Variants in WDR72 observed in about 807,000 individuals in gnomAD.
The protein encoded by WDR72 is WD repeat-containing protein 72.
WDR72 carries 120 observed loss-of-function variants against 124.2 expected under a neutral mutation model. The observed-to-expected ratio is 0.97, with a 90% CI of 0.83 to 1.12. WDR72 has a LOEUF of 1.12. Among genes scored for constraint, WDR72 ranks in the 50% most tolerant of loss-of-function variants. WDR72 has a pLI of 0.00. For synonymous variants in WDR72, 452 were observed against 441.7 expected, an observed-to-expected ratio of 1.02 and a Z score of -0.29; for missense variants, 1,387 against 1,278.8, an observed-to-expected ratio of 1.08 and a Z score of -1.29.
intron 18 of WDR72, among the ~76,000 whole-genome samples, chr15:53,588,976 A>ACAATGACT (rs1460167194): frequency 2.0e-5 from 3 of 151,976 alleles, no homozygotes; most frequent in Non-Finnish European, 4.4e-5. Flanking sequence ...GAGTCAGAAC[A>ACAATGACT]CAATATGTGA....
At chr15:53,592,232 C>T (rs545428007) in intron 18 of WDR72, among the ~76,000 whole-genome samples, 15 of 152,150 alleles carry the variant, frequency 9.9e-5, no homozygotes, top group Non-Finnish European at 1.3e-4. Context: ...CTTGATCACA[C>T]GTACCACACA....
intron 14 of WDR72, among the ~76,000 whole-genome samples, chr15:53,620,992 C>T (rs1022365008): frequency 6.6e-6 from 1 of 151,910 alleles, no homozygotes; most frequent in East Asian, 1.9e-4. Context: ...GGGATAAGAA[C>T]ATGAATAGAA....
chr15:53,545,906 T>TC (rs1454651966), intron 18 of WDR72, among the ~76,000 whole-genome samples: 1 of 121,788 alleles, frequency 8.2e-6, no homozygotes, highest in African/African-American at 3.2e-5. Flanking sequence ...AAAAAACACA[T>TC]GAAAAAATGC....
chr15:53,659,663 C>T (rs2015544264), intron 14 of WDR72, among the ~76,000 whole-genome samples: 1 of 149,972 alleles, frequency 6.7e-6, no homozygotes, highest in Non-Finnish European at 1.5e-5. Flanking sequence ...AAACTCATGC[C>T]ACAAAATGAG....
rs148697916 is a variant in WDR72 at position 53,736,710 on chromosome 15, T to A, written c.-12-3549A>T. 2.0e-3 allele frequency among the ~76,000 whole-genome samples: 302 copies of A among 152,184 alleles called. 1 individual carries two copies. Among genetic ancestry groups the A allele is most frequent in the Admixed American group, 2.8e-3 (43 of 15,286 alleles). ...CAGATGTAGTAAAGGAATACAGGGA[T>A]AAGCAGGATTTTCACATATTAGGCA... is the stretch of plus-strand genomic sequence containing the variant. On this transcript the variant is annotated intron_variant, in intron 1 of 19. Transcript: ENST00000360509.
At chr15:53,526,094 A>C (rs1358539441) in intron 18 of WDR72, among the ~76,000 whole-genome samples, 5 of 152,050 alleles carry the variant, frequency 3.3e-5, no homozygotes, top group Non-Finnish European at 5.9e-5. Context: ...TGAATCAACA[A>C]ATATTGCTCT....
chr15:53,567,019 C>T (rs1336842665), intron 18 of WDR72, among the ~76,000 whole-genome samples: 2 of 151,804 alleles, frequency 1.3e-5, no homozygotes, highest in South Asian at 2.1e-4. Context: ...TAAAGGCAAC[C>T]GTTGCAGTCC....
At chr15:53,534,032 G>C (rs1006871731) in intron 18 of WDR72, among the ~76,000 whole-genome samples, 1 of 152,146 alleles carries the variant, frequency 6.6e-6, no homozygotes, top group South Asian at 2.1e-4. Flanking sequence ...TGAGGCTGAT[G>C]TTATGAGGAT....
intron 18 of WDR72, among the ~76,000 whole-genome samples, chr15:53,576,266 T>C (rs1894752540): frequency 6.6e-6 from 1 of 152,214 alleles, no homozygotes; most frequent in African/African-American, 2.4e-5. Context: ...TGCCTCTTCA[T>C]ATCTTCCAAG....
chr15:53,695,629 G>T (rs2016978845), intron 13 of WDR72, among the ~76,000 whole-genome samples: 1 of 152,114 alleles, frequency 6.6e-6, no homozygotes, highest in African/African-American at 2.4e-5. Context: ...TTAGCCAGAG[G>T]ACGAGGGCCC....
chr15:53,608,385 A>T (rs895287097), intron 17 of WDR72, among the ~76,000 whole-genome samples: 5 of 152,204 alleles, frequency 3.3e-5, no homozygotes, highest in African/African-American at 1.2e-4. Context: ...GATAAACTGG[A>T]GATCATTATG....
At chr15:53,545,460 A>G (rs1182507390) in intron 18 of WDR72, among the ~76,000 whole-genome samples, 4 of 150,768 alleles carry the variant, frequency 2.7e-5, no homozygotes, top group Admixed American at 6.6e-5. Flanking sequence ...GGCTAGCCAT[A>G]TGTAGAAAGC....
intron 13 of WDR72, among the ~76,000 whole-genome samples, chr15:53,679,029 T>C (rs1041167226): frequency 3.3e-5 from 5 of 152,338 alleles, no homozygotes; most frequent in African/African-American, 7.2e-5. Flanking sequence ...GAAGTCCTCA[T>C]GCTAAGTGAA....
At chr15:53,676,660 A>G (rs2016182508) in intron 13 of WDR72, among the ~76,000 whole-genome samples, 1 of 152,148 alleles carries the variant, frequency 6.6e-6, no homozygotes, top group South Asian at 2.1e-4. Context: ...GAGCCTCTAG[A>G]TGAGAGCCCA....
chr15:53,680,923 C>T (rs2016360012), intron 13 of WDR72, among the ~76,000 whole-genome samples: 5 of 152,330 alleles, frequency 3.3e-5, no homozygotes, highest in Admixed American at 3.3e-4. Flanking sequence ...CTGAGATCAG[C>T]AGGCAACATT....
chr15:53,613,769 A>G lies in WDR72; in HGVS notation c.2781-12T>C. 1 of 1,538,548 alleles carries G rather than the reference A, an allele frequency of 6.5e-7. No homozygotes were observed. Among genetic ancestry groups the G allele is most frequent in the East Asian group, 2.3e-5 (1 of 44,356 alleles). The stretch of plus-strand genomic sequence containing the variant: ...CCATTCTGAAAGAACTGTTAGAAAA[A>G]AGATTGACAGCATATTACTAAAAAG... On this transcript the variant is annotated splice_polypyrimidine_tract_variant and intron_variant, in intron 15 of 19. Transcript: ENST00000360509.
At chr15:53,531,534 G>C (rs1386021154) in intron 18 of WDR72, among the ~76,000 whole-genome samples, 1 of 152,084 alleles carries the variant, frequency 6.6e-6, no homozygotes, top group Non-Finnish European at 1.5e-5. Context: ...ATATCTCCAA[G>C]AGATGGTTGC....
intron 18 of WDR72, among the ~76,000 whole-genome samples, chr15:53,571,846 G>T (rs1475069863): frequency 6.6e-6 from 1 of 151,388 alleles, no homozygotes; most frequent in Non-Finnish European, 1.5e-5. Flanking sequence ...CCAACAGTGT[G>T]CAAGTGTTCC....
chr15:53,599,873 T>C (rs1405164860), intron 17 of WDR72, among the ~76,000 whole-genome samples: 4 of 152,188 alleles, frequency 2.6e-5, no homozygotes, highest in African/African-American at 7.2e-5. Flanking sequence ...GTTGATTTTT[T>C]ACATAGTTGT....
Sources: allele counts gnomAD v4.1 joint callset (sites outside exome capture counted in the v4.1 genomes callset), GRCh38; gene constraint gnomAD v4.1.1; transcripts MANE v1.5; gene names NCBI Gene and HGNC (gene_info 2026-07-23, HGNC 2026-07-21).